FREM2: variants seen among roughly 807,000 people sequenced by gnomAD.
FREM2 encodes the protein FRAS1 related extracellular matrix 2.
Under a neutral mutation model 219.9 loss-of-function variants are expected in FREM2, and 119 were observed. The ratio of observed to expected loss-of-function variants is 0.54; its 90% CI spans 0.47 to 0.63. The LOEUF is 0.63. Ranked by LOEUF, FREM2 falls within the 30% of genes least tolerant of loss-of-function variation. The probability of loss-of-function intolerance (pLI) is 0.00; values close to 1 mark genes in which losing one functional copy is unlikely to be tolerated. For synonymous variants in FREM2, 1,562 were observed against 1,522.8 expected (o/e 1.03, Z -0.60); for missense variants, 4,030 against 3,993.6 (o/e 1.01, Z -0.25).
intron 6 of FREM2, among the ~76,000 whole-genome samples, chr13:38,833,845 T>G (rs1479518323): frequency 1.3e-5 from 2 of 152,118 alleles, no homozygotes; most frequent in African/African-American, 4.8e-5. Flanking sequence ...TCTCCAGAAC[T>G]AGAGACCAGT....
intron 2 of FREM2, among the ~76,000 whole-genome samples, chr13:38,745,105 G>A (rs76563461): frequency 0.018 from 2,725 of 152,246 alleles, 31 homozygotes; most frequent in Middle Eastern, 0.027. Context: ...TTAAGGTAAT[G>A]TCTAAATGGA....
At chr13:38,861,119 A>G (rs1000533909) in intron 14 of FREM2, among the ~76,000 whole-genome samples, 2 of 152,224 alleles carry the variant, frequency 1.3e-5, no homozygotes, top group South Asian at 2.1e-4. Context: ...CTTTATATTT[A>G]AATGATTTTG....
In FREM2 at chr13:38,692,503, C is replaced by T. The variant is rs1452647317; in HGVS notation, c.5159C>T (p.Thr1720Ile). The T allele has an allele frequency of 6.2e-7, 1 of 1,611,336 alleles. No homozygotes were observed. The highest frequency in any genetic ancestry group is 8.5e-7 in the Non-Finnish European group (1 of 1,180,008). The part of the protein sequence containing the change: ...LNLDKGNHSI[T>I]QFTQADIDDM... ...CTGGACAAAGGCAACCACAGCATCA[C>T]TCAGTTCACACAAGGTATGTTTCAT... The change falls in exon 1 of 24, where the codon ACT becomes ATT. Residue 1720 changes from threonine (T) to isoleucine (I), a missense_variant. Around this residue, in one of 2 missense-constraint regions of FREM2, gnomAD observed 3,102 missense variants for 2,950.7 expected, o/e 1.05. Coordinates refer to ENST00000280481, the MANE Select transcript of FREM2 (RefSeq NM_207361.6).
In FREM2 at chr13:38,861,542, T is replaced by C; in HGVS notation, c.7631T>C (p.Val2544Ala). 1 of 1,614,124 alleles carries C rather than the reference T, an allele frequency of 6.2e-7. No homozygotes were observed. Among genetic ancestry groups the C allele is most frequent in the Non-Finnish European group, 8.5e-7 (1 of 1,180,002 alleles). ...ADYTNLIKLT[V>A]TMPHIDGMLP... ...TACACAAACCTTATCAAGCTCACTG[T>C]CACAATGCCACACATAGATGGTAGG... Residue 2544 changes from valine to alanine, a missense_variant, in exon 15 of 24, where the codon GTC (valine) becomes GCC (alanine). Physicochemically the swap from Val to Ala is moderately conservative, Grantham distance 64. Coordinates refer to ENST00000280481, the MANE Select transcript of FREM2 (RefSeq NM_207361.6).
In FREM2 at chr13:38,688,660, C is replaced by T. The variant is rs767331416; in HGVS notation, c.1316C>T (p.Pro439Leu). The part of the protein sequence containing the change: ...VVVKPMNTMA[P>L]VVTRNTGLIL... ...GTGAAGCCCATGAACACAATGGCTC[C>T]GGTGGTCACCCGGAATACCGGTCTT... Residue 439 changes from proline to leucine, a missense_variant, in exon 1 of 24, where the codon CCG becomes CTG. This residue lies in a region of FREM2 where 3,102 missense variants were observed against 2,950.7 expected (regional missense o/e 1.05). Transcript: ENST00000280481. 2.3e-5 allele frequency: 37 copies of T among 1,613,992 alleles called. No homozygotes were observed. Among genetic ancestry groups the T allele is most frequent in the Non-Finnish European group, 2.8e-5 (33 of 1,180,018 alleles).
intron 2 of FREM2, among the ~76,000 whole-genome samples, chr13:38,757,005 C>T (rs1040044249): frequency 1.3e-5 from 2 of 152,056 alleles, no homozygotes; most frequent in African/African-American, 2.4e-5. Flanking sequence ...CCCCTCTGCA[C>T]GTGTCTGAGA....
Position 38,857,663 on chromosome 13 carries a change from G to A in FREM2, c.7057-212G>A, listed in dbSNP as rs1021349131. 3.3e-5 allele frequency among the ~76,000 whole-genome samples: 5 copies of A among 152,282 alleles called. No individual in the cohort carries two copies. In the East Asian group the frequency reaches 9.7e-4, roughly 29 times the overall value. On this transcript the variant is annotated intron_variant, in intron 12 of 23. Coordinates refer to ENST00000280481, the MANE Select transcript of FREM2 (RefSeq NM_207361.6). ...TGGATTGACTGCCCTGGGCTCAGCT[G>A]CCCTCCCTGGAACCATAAGATGTGA...
rs748561816 is a variant in FREM2 at position 38,687,950 on chromosome 13, G to A, written c.606G>A (p.Ala202=). The A allele has an allele frequency of 1.9e-5, 31 of 1,608,694 alleles. No individual in the cohort carries two copies. The highest frequency in any genetic ancestry group is 3.4e-5 in the Admixed American group (2 of 59,452). Residue 202 remains alanine (A), a synonymous_variant, in exon 1 of 24, where the codon GCG becomes GCA. Transcript: ENST00000280481. ...TGGGGACCAGCAATGCCCTGGACGCGCGGAGCCTGGAGTTCGCCTTCCAGC... is the reference window on the plus strand; with the variant it reads ...TGGGGACCAGCAATGCCCTGGACGCACGGAGCCTGGAGTTCGCCTTCCAGC... ...ELLGTSNALD[A]RSLEFAFQPE...
intron 2 of FREM2, among the ~76,000 whole-genome samples, chr13:38,738,058 T>G (rs1872070752): frequency 6.6e-6 from 1 of 152,174 alleles, no homozygotes; most frequent in South Asian, 2.1e-4. Flanking sequence ...GAGGACTTTG[T>G]TGCTGATTAG....
intron 6 of FREM2, among the ~76,000 whole-genome samples, chr13:38,829,893 T>C (rs1876439615): frequency 6.6e-6 from 1 of 152,098 alleles, no homozygotes; most frequent in African/African-American, 2.4e-5. Flanking sequence ...GTTGTTTCTC[T>C]GCAACTTTTG....
At chr13:38,704,391 C>T (rs1431448951) in intron 2 of FREM2, among the ~76,000 whole-genome samples, 8 of 152,176 alleles carry the variant, frequency 5.3e-5, no homozygotes, top group Admixed American at 5.2e-4. Context: ...GATAGAGACA[C>T]AGCTGTCAGG....
chr13:38,782,986 T>C, intron 4 of FREM2, 84 bp from the exon 5 acceptor site: 1 of 1,482,904 alleles, frequency 6.7e-7, no homozygotes, highest in South Asian at 1.1e-5. Flanking sequence ...AATCAATCAT[T>C]AGAGAAATTT....
chr13:38,737,834 C>T (rs1452831845), intron 2 of FREM2, among the ~76,000 whole-genome samples: 1 of 152,102 alleles, frequency 6.6e-6, no homozygotes, highest in African/African-American at 2.4e-5. Flanking sequence ...ACTTTATCCT[C>T]AAGTCAATAT....
At position 38,850,054 on chromosome 13, in the gene FREM2, C is replaced by T. The variant is rs61745902; in HGVS notation, c.6396C>T (p.Phe2132=). The change falls in exon 9 of 24, where the codon TTC becomes TTT. Residue 2132 remains phenylalanine (F), a synonymous_variant. Transcript: ENST00000280481. The stretch of plus-strand genomic sequence containing the variant: ...TTTTTGCAGTGCCTAAGATGCAATT[C>T]AAAGAACGAATATATACTGGCAGCG... The part of the protein sequence containing the change: ...DSVSDLPKMQ[F]KERIYTGSES... The T allele has an allele frequency of 9.4e-4, 1,524 of 1,613,716 alleles. 10 individuals carry two copies. The African/African-American group carries it at 0.019, about 20-fold the overall frequency.
chr13:38,765,338 A>G (rs1446063720), intron 3 of FREM2, among the ~76,000 whole-genome samples: 1 of 152,194 alleles, frequency 6.6e-6, no homozygotes, highest in African/African-American at 2.4e-5. Context: ...TGAAGCAACT[A>G]TATTGTTTTT....
Position 38,850,741 on chromosome 13 carries a change from G to A in FREM2, c.6578-203G>A, listed in dbSNP as rs4280113. 0.24 allele frequency among the ~76,000 whole-genome samples: 36,978 copies of A among 152,070 alleles called. 6,420 individuals are homozygous for A. The highest frequency in any genetic ancestry group is 0.48 in the African/African-American group (19,954 of 41,462). ...CAGAAATCAAAGAAATTCCCCATAC[G>A]AATAAGTGCTGGTCATTGCATATAC... On this transcript the variant is annotated intron_variant, in intron 9 of 23. Transcript: ENST00000280481.
At chr13:38,833,958 A>G (rs929252719) in intron 6 of FREM2, among the ~76,000 whole-genome samples, 1 of 152,126 alleles carries the variant, frequency 6.6e-6, no homozygotes, top group African/African-American at 2.4e-5. Context: ...CTTTTTGCTT[A>G]TCGAGTATAT....
intron 14 of FREM2, 113 bp downstream of exon 14, chr13:38,859,703 A>C: frequency 9.6e-7 from 1 of 1,039,698 alleles, no homozygotes; most frequent in Non-Finnish European, 1.4e-6. Flanking sequence ...TATATTTTGT[A>C]AGTAGTGAAA....
At chr13:38,699,986 T>G (rs1274664028) in intron 2 of FREM2, among the ~76,000 whole-genome samples, 3 of 152,084 alleles carry the variant, frequency 2.0e-5, no homozygotes, top group Non-Finnish European at 2.9e-5. Flanking sequence ...GGGAAGCAAG[T>G]CAGGGCACAA....
Sources: allele counts gnomAD v4.1 joint callset (sites outside exome capture counted in the v4.1 genomes callset), GRCh38; gene constraint gnomAD v4.1.1; regional missense constraint gnomAD v4.1.1; transcripts MANE v1.5; gene names NCBI Gene and HGNC (gene_info 2026-07-23, HGNC 2026-07-21).